Variants in KRTAP19-3 observed in about 807,000 individuals in gnomAD.
KRTAP19-3 encodes keratin associated protein 19-3.
For synonymous variants in KRTAP19-3, 37 were observed against 41.9 expected (o/e 0.88, Z 0.45); for missense variants, 106 against 101.6 (o/e 1.04, Z -0.19).
rs753696243 is a variant in KRTAP19-3, at chr21:30,491,924, C to A, written c.34G>T (p.Gly12Cys). ...SYYGSYYGGL[G>C]YGCGGFGGLG... is the part of the protein sequence containing the mutation. ...CCACCAAAGCCTCCACAGCCATAGC[C>A]CAGGCCTCCATAGTAGCTGCCGTAG... Residue 12 changes from glycine to cysteine, a missense_variant, in exon 1 of 1, where the codon GGC (glycine) becomes TGC (cysteine). By Grantham distance (159) the Gly-to-Cys change is radical (BLOSUM62 -3). Coordinates refer to ENST00000334063, the MANE Select transcript of KRTAP19-3 (RefSeq NM_181609.4). The A allele has an allele frequency of 2.5e-6, 4 of 1,614,166 alleles. No homozygotes were observed. The highest frequency in any genetic ancestry group is 3.4e-6 in the Non-Finnish European group (4 of 1,180,026).
Position 30,491,749 on chromosome 21 carries a change from G to A in KRTAP19-3, c.209C>T (p.Ser70Leu), listed in dbSNP as rs1601035740. 6.2e-7 allele frequency: 1 copy of A among 1,614,166 alleles called. No individual in the cohort carries two copies. Among genetic ancestry groups the A allele is most frequent in the Non-Finnish European group, 8.5e-7 (1 of 1,180,026 alleles). Residue 70 changes from serine (S) to leucine (L), a missense_variant, in exon 1 of 1, where the codon TCA becomes TTA. Ser to Leu is a moderately radical substitution (Grantham distance 145). Coordinates refer to ENST00000334063, the MANE Select transcript of KRTAP19-3 (RefSeq NM_181609.4). ...AGAGAATCCATATCCTCCATAGTAT[G>A]ATGGGCGGTAGCAGCCATATCCGTA... is the stretch of plus-strand genomic sequence containing the variant. Reference protein sequence around the residue: ...GGYGYGCYRPSYYGGYGFSGF... With the variant: ...GGYGYGCYRPLYYGGYGFSGF...
rs1985979742 is a variant in KRTAP19-3 at position 30,491,778 on chromosome 21, T to G, written c.180A>C (p.Gly60=). The G allele has an allele frequency of 6.2e-7, 1 of 1,613,900 alleles. No homozygotes were observed. ...GGCGGTAGCAGCCATATCCGTAGCC[T>G]CCGAAGCCAGAGCCATATCCATAGC... is the stretch of plus-strand genomic sequence containing the variant. The part of the protein sequence containing the change: ...FGGYGYGSGF[G]GYGYGCYRPS... The change falls in exon 1 of 1, where the codon GGA becomes GGC. Residue 60 remains glycine (G), a synonymous_variant. Coordinates refer to ENST00000334063, the MANE Select transcript of KRTAP19-3 (RefSeq NM_181609.4).
Position 30,491,816 on chromosome 21 carries a change from A to G in KRTAP19-3, c.142T>C (p.Ser48Pro), listed in dbSNP as rs1985981554. Reference sequence around the variant, plus strand: ...CCATATCCATAGCCTCCAAAGCCAGAGCCATATCCGTAGCCTCCATAGCCA... The same window carrying G: ...CCATATCCATAGCCTCCAAAGCCAGGGCCATATCCGTAGCCTCCATAGCCA... ...GCGYGGYGYG[S>P]GFGGYGYGSG... is the part of the protein sequence containing the mutation. Residue 48 changes from serine (S) to proline (P), a missense_variant, in exon 1 of 1, where the codon TCT (serine) becomes CCT (proline). By Grantham distance (74) the Ser-to-Pro change is moderately conservative (BLOSUM62 -1). Transcript: ENST00000334063. 6.2e-7 allele frequency: 1 copy of G among 1,614,022 alleles called. No homozygotes were observed. The highest frequency in any genetic ancestry group is 8.5e-7 in the Non-Finnish European group (1 of 1,180,038).
In KRTAP19-3 at chr21:30,491,760, G is replaced by A. The variant is rs1048494; in HGVS notation, c.198C>T (p.Cys66=). 5.4e-5 allele frequency: 87 copies of A among 1,613,994 alleles called. No homozygotes were observed. Among genetic ancestry groups the A allele is most frequent in the Non-Finnish European group, 7.1e-5 (84 of 1,180,032 alleles). Residue 66 remains cysteine, a synonymous_variant, in exon 1 of 1, where the codon TGC becomes TGT. Coordinates refer to ENST00000334063, the MANE Select transcript of KRTAP19-3 (RefSeq NM_181609.4). ...ATCCTCCATAGTATGATGGGCGGTA[G>A]CAGCCATATCCGTAGCCTCCGAAGC... ...GSGFGGYGYG[C]YRPSYYGGYG... is the part of the protein sequence containing the mutation.
chr21:30,491,543 G>T lies in KRTAP19-3; in HGVS notation c.*169C>A. ...TAAAAGCAAAAGTAGAGAATACTAG[G>T]ATTATTATAGAGATGTGGGTATACA... On this transcript the variant is annotated 3_prime_UTR_variant, in exon 1 of 1. Transcript: ENST00000334063. The T allele has an allele frequency of 1.9e-6, 2 of 1,041,038 alleles. No individual in the cohort carries two copies. Among genetic ancestry groups the T allele is most frequent in the East Asian group, 2.4e-5 (1 of 41,674 alleles). The allele number at this position is 1,041,038 out of a possible 1,614,324, so 64.5% of individuals were successfully genotyped here.
rs1985975163 is a variant in KRTAP19-3 at position 30,491,680 on chromosome 21, A to G, written c.*32T>C. The G allele has an allele frequency of 6.2e-7, 1 of 1,612,336 alleles. No homozygotes were observed. Among genetic ancestry groups the G allele is most frequent in the Non-Finnish European group, 8.5e-7 (1 of 1,178,456 alleles). On this transcript the variant is annotated 3_prime_UTR_variant, in exon 1 of 1. Transcript: ENST00000334063. ...GTCAGCTCTGGGAAAGTCCTCTTAT[A>G]ATTTCACACATTGTGTTGCTGGGGC...
At position 30,491,919 on chromosome 21, in the gene KRTAP19-3, A is replaced by G. The variant is rs139861734; in HGVS notation, c.39T>C (p.Tyr13=). The G allele has an allele frequency of 4.3e-6, 7 of 1,614,082 alleles. No individual in the cohort carries two copies. In the African/African-American group the frequency reaches 8.0e-5, roughly 18 times the overall value. The part of the protein sequence containing the change: ...YYGSYYGGLG[Y]GCGGFGGLGY... The stretch of plus-strand genomic sequence containing the variant: ...CCAGGCCACCAAAGCCTCCACAGCC[A>G]TAGCCCAGGCCTCCATAGTAGCTGC... Residue 13 remains tyrosine, a synonymous_variant, in exon 1 of 1, where the codon TAT becomes TAC. Coordinates refer to ENST00000334063, the MANE Select transcript of KRTAP19-3 (RefSeq NM_181609.4).
At position 30,491,946 on chromosome 21, in the gene KRTAP19-3, G is replaced by A. The variant is rs376412934; in HGVS notation, c.12C>T (p.Tyr4=). ...AGCCCAGGCCTCCATAGTAGCTGCC[G>A]TAGTAGCTCATGGTGTCAGGGGTAG... MSY[Y]GSYYGGLGYG... Residue 4 remains tyrosine (Y), a synonymous_variant, in exon 1 of 1, where the codon TAC becomes TAT. Coordinates refer to ENST00000334063, the MANE Select transcript of KRTAP19-3 (RefSeq NM_181609.4). 5.3e-5 allele frequency: 85 copies of A among 1,614,070 alleles called. No homozygotes were observed. The highest frequency in any genetic ancestry group is 2.9e-4 in the South Asian group (26 of 91,094).
chr21:30,491,791 C>T lies in KRTAP19-3; in HGVS notation c.167G>A (p.Gly56Asp). ...ATATCCGTAGCCTCCGAAGCCAGAG[C>T]CATATCCATAGCCTCCAAAGCCAGA... Reference protein sequence around the residue: ...YGSGFGGYGYGSGFGGYGYGC... With the variant: ...YGSGFGGYGYDSGFGGYGYGC... The change falls in exon 1 of 1, where the codon GGC becomes GAC. Residue 56 changes from glycine (G) to aspartate (D), a missense_variant. Coordinates refer to ENST00000334063, the MANE Select transcript of KRTAP19-3 (RefSeq NM_181609.4). The T allele has an allele frequency of 6.2e-7, 1 of 1,614,102 alleles. No individual in the cohort carries two copies.
rs746587191 is a variant in KRTAP19-3, at chr21:30,492,000, T to A, written c.-43A>T. The A allele has an allele frequency of 6.2e-7, 1 of 1,612,248 alleles. No homozygotes were observed. Among genetic ancestry groups the A allele is most frequent in the East Asian group, 2.2e-5 (1 of 44,814 alleles). On this transcript the variant is annotated 5_prime_UTR_variant, in exon 1 of 1. Coordinates refer to ENST00000334063, the MANE Select transcript of KRTAP19-3 (RefSeq NM_181609.4). The stretch of plus-strand genomic sequence containing the variant: ...GTTTGGTTTGCTGCTCAAGGCAAGG[T>A]CCTGAGTGTGAATGTTGACATCTGT...
rs1321042641 is a variant in KRTAP19-3, at chr21:30,491,478, A to G, written c.*234T>C. The G allele has an allele frequency of 4.7e-6, 3 of 636,130 alleles. No individual in the cohort carries two copies. Among genetic ancestry groups the G allele is most frequent in the Non-Finnish European group, 7.9e-6 (3 of 380,756 alleles). 39.4% of individuals were successfully genotyped at this position (636,130 alleles called of 1,614,324 possible). On this transcript the variant is annotated 3_prime_UTR_variant, in exon 1 of 1. Transcript: ENST00000334063. ...AGAACCATATTGTGTTTGAAAATAG[A>G]ATGTTTTATTGGAAGATAAACAGAT... is the stretch of plus-strand genomic sequence containing the variant.
Position 30,491,502 on chromosome 21 carries a change from A to T in KRTAP19-3, c.*210T>A, listed in dbSNP as rs1036089123. On this transcript the variant is annotated 3_prime_UTR_variant, in exon 1 of 1. Transcript: ENST00000334063. The stretch of plus-strand genomic sequence containing the variant: ...GAATGTTTTATTGGAAGATAAACAG[A>T]TAATTCAATCAGCTTTAAAAGCAAA... The T allele has an allele frequency of 2.7e-6, 2 of 728,026 alleles. No homozygotes were observed. Among genetic ancestry groups the T allele is most frequent in the African/African-American group, 3.5e-5 (2 of 56,426 alleles). 45.1% of individuals were successfully genotyped at this position (728,026 alleles called of 1,614,324 possible).
At position 30,491,916 on chromosome 21, in the gene KRTAP19-3, G is replaced by C. The variant is rs756374507; in HGVS notation, c.42C>G (p.Gly14=). 6 of 1,614,082 alleles carry C rather than the reference G, an allele frequency of 3.7e-6. No homozygotes were observed. In the East Asian group the frequency reaches 1.3e-4, roughly 36 times the overall value. The part of the protein sequence containing the change: ...YGSYYGGLGY[G]CGGFGGLGYG... ...AGCCCAGGCCACCAAAGCCTCCACA[G>C]CCATAGCCCAGGCCTCCATAGTAGC... The change falls in exon 1 of 1, where the codon GGC becomes GGG. Residue 14 remains glycine, a synonymous_variant. Coordinates refer to ENST00000334063, the MANE Select transcript of KRTAP19-3 (RefSeq NM_181609.4).
chr21:30,491,770 C>A lies in KRTAP19-3; in HGVS notation c.188G>T (p.Gly63Val), dbSNP rs771686451. Residue 63 changes from glycine to valine, a missense_variant, in exon 1 of 1, where the codon GGA becomes GTA. Transcript: ENST00000334063. ...GTATGATGGGCGGTAGCAGCCATATCCGTAGCCTCCGAAGCCAGAGCCATA... is the reference window on the plus strand; with the variant it reads ...GTATGATGGGCGGTAGCAGCCATATACGTAGCCTCCGAAGCCAGAGCCATA... Reference protein sequence around the residue: ...YGYGSGFGGYGYGCYRPSYYG... With the variant: ...YGYGSGFGGYVYGCYRPSYYG... 43 of 1,613,984 alleles carry A rather than the reference C, an allele frequency of 2.7e-5. No homozygotes were observed. The highest frequency in any genetic ancestry group is 3.4e-5 in the Non-Finnish European group (40 of 1,180,008).
rs147132182 is a variant in KRTAP19-3, at chr21:30,491,751, T to C, written c.207A>G (p.Pro69=). 3 of 1,614,186 alleles carry C rather than the reference T, an allele frequency of 1.9e-6. No individual in the cohort carries two copies. Among genetic ancestry groups the C allele is most frequent in the African/African-American group, 2.7e-5 (2 of 75,048 alleles). The change falls in exon 1 of 1, where the codon CCA becomes CCG. Residue 69 remains proline (P), a synonymous_variant. Coordinates refer to ENST00000334063, the MANE Select transcript of KRTAP19-3 (RefSeq NM_181609.4). Reference sequence around the variant, plus strand: ...AGAATCCATATCCTCCATAGTATGATGGGCGGTAGCAGCCATATCCGTAGC... The same window carrying C: ...AGAATCCATATCCTCCATAGTATGACGGGCGGTAGCAGCCATATCCGTAGC... The part of the protein sequence containing the change: ...FGGYGYGCYR[P]SYYGGYGFSG...
rs772708980 is a variant in KRTAP19-3, at chr21:30,491,666, G to A, written c.*46C>T. 9 of 1,610,006 alleles carry A rather than the reference G, an allele frequency of 5.6e-6. No individual in the cohort carries two copies. The East Asian group carries it at 2.0e-4, about 36-fold the overall frequency. On this transcript the variant is annotated 3_prime_UTR_variant, in exon 1 of 1. Transcript: ENST00000334063. ...GTCCAATGATTGAAGTCAGCTCTGG[G>A]AAAGTCCTCTTATAATTTCACACAT...
chr21:30,491,942 T>A lies in KRTAP19-3; in HGVS notation c.16A>T (p.Ser6Cys), dbSNP rs1985987143. Residue 6 changes from serine (S) to cysteine (C), a missense_variant, in exon 1 of 1, where the codon AGC (serine) becomes TGC (cysteine). Transcript: ENST00000334063. Reference sequence around the variant, plus strand: ...CCATAGCCCAGGCCTCCATAGTAGCTGCCGTAGTAGCTCATGGTGTCAGGG... The same window carrying A: ...CCATAGCCCAGGCCTCCATAGTAGCAGCCGTAGTAGCTCATGGTGTCAGGG... Reference protein sequence around the residue: MSYYGSYYGGLGYGCG... With the variant: MSYYGCYYGGLGYGCG... The A allele has an allele frequency of 6.2e-7, 1 of 1,614,090 alleles. No homozygotes were observed. Among genetic ancestry groups the A allele is most frequent in the South Asian group, 1.1e-5 (1 of 91,092 alleles).
Position 30,491,979 on chromosome 21 carries a change from G to A in KRTAP19-3, c.-22C>T. 6.2e-7 allele frequency: 1 copy of A among 1,613,714 alleles called. No homozygotes were observed. The highest frequency in any genetic ancestry group is 8.5e-7 in the Non-Finnish European group (1 of 1,179,662). On this transcript the variant is annotated 5_prime_UTR_variant, in exon 1 of 1. Coordinates refer to ENST00000334063, the MANE Select transcript of KRTAP19-3 (RefSeq NM_181609.4). ...TCATGGTGTCAGGGGTAGTGAGTTT[G>A]GTTTGCTGCTCAAGGCAAGGTCCTG...
chr21:30,491,626 A>G lies in KRTAP19-3; in HGVS notation c.*86T>C. 6.3e-7 allele frequency: 1 copy of G among 1,586,300 alleles called. No individual in the cohort carries two copies. The highest frequency in any genetic ancestry group is 8.6e-7 in the Non-Finnish European group (1 of 1,164,248). On this transcript the variant is annotated 3_prime_UTR_variant, in exon 1 of 1. Transcript: ENST00000334063. ...TAAATTCTTTTGTGCAAATAGCTCC[A>G]GCATGATCTTTGTTGTCCAATGATT...
Sources: allele counts gnomAD v4.1 joint callset, GRCh38; gene constraint gnomAD v4.1.1; transcripts MANE v1.5; gene names NCBI Gene and HGNC (gene_info 2026-07-23, HGNC 2026-07-21).